CDKAL1: variants seen among roughly 807,000 people sequenced by gnomAD.
The protein encoded by CDKAL1 is threonylcarbamoyladenosine tRNA methylthiotransferase.
Under a neutral mutation model 68.2 loss-of-function variants are expected in CDKAL1, and 32 were observed. The observed-to-expected ratio is 0.47, with a 90% CI of 0.35 to 0.63. CDKAL1 has a LOEUF of 0.63. Among genes scored for constraint, CDKAL1 ranks in the 30% least tolerant of loss-of-function variants. The pLI is 0.00. For synonymous variants in CDKAL1, 234 were observed against 244.3 expected (o/e 0.96, Z 0.39); for missense variants, 606 against 696.7 (o/e 0.87, Z 1.47).
chr6:20,963,309 T>TAA lies in CDKAL1; in HGVS notation c.909+7735_909+7736dup, dbSNP rs56292622. ...GGAAGCTTTAGTTAGGCCCTTCCAC[T>TAA]AAAAAAAAAAAAGACTTGCATCTCT... On this transcript the variant is annotated intron_variant, in intron 10 of 15. Coordinates refer to ENST00000274695, the MANE Select transcript of CDKAL1 (RefSeq NM_017774.3). 6.0e-3 allele frequency among the ~76,000 whole-genome samples: 859 copies of TAA among 143,068 alleles called. 6 individuals carry two copies. The highest frequency in any genetic ancestry group is 0.02 in the African/African-American group (806 of 39,388). 93.9% of individuals were successfully genotyped at this position (143,068 alleles called of 152,430 possible). A position where few individuals can be genotyped will look rare whatever the true frequency, so the allele number is the denominator to read the frequency against.
intron 8 of CDKAL1, among the ~76,000 whole-genome samples, chr6:20,790,258 A>T (rs1373905221): frequency 6.6e-6 from 1 of 152,192 alleles, no homozygotes; most frequent in African/African-American, 2.4e-5. Context: ...GATTGTTTAG[A>T]TGAGTTGGAG....
At chr6:21,048,767 T>A (rs907216595) in intron 11 of CDKAL1, among the ~76,000 whole-genome samples, 2 of 152,088 alleles carry the variant, frequency 1.3e-5, no homozygotes, top group South Asian at 4.1e-4. Context: ...TCCAGTTATG[T>A]TTTCCCATTA....
chr6:21,085,272 A>G (rs1456148532), intron 12 of CDKAL1, among the ~76,000 whole-genome samples: 2 of 152,232 alleles, frequency 1.3e-5, no homozygotes, highest in African/African-American at 4.8e-5. Context: ...TTTAGAAATC[A>G]TAGTCAAAAC....
intron 5 of CDKAL1, among the ~76,000 whole-genome samples, chr6:20,659,567 T>C (rs1484435113): frequency 6.6e-6 from 1 of 152,224 alleles, no homozygotes; most frequent in East Asian, 1.9e-4. Context: ...TGAATTTACA[T>C]TTTCCTATCA....
intron 13 of CDKAL1, among the ~76,000 whole-genome samples, chr6:21,185,279 C>A (rs564548378): frequency 1.9e-4 from 29 of 150,536 alleles, no homozygotes; most frequent in African/African-American, 6.8e-4. Context: ...TGTTACTGAT[C>A]AAAAAATATA....
intron 13 of CDKAL1, 21 bp downstream of exon 13, chr6:21,108,484 G>A: frequency 6.7e-7 from 1 of 1,488,884 alleles, no homozygotes; most frequent in Non-Finnish European, 9.2e-7. Context: ...CATGTTAATA[G>A]CATATTAAGT....
intron 9 of CDKAL1, among the ~76,000 whole-genome samples, chr6:20,888,027 C>T (rs1291131327): frequency 6.6e-6 from 1 of 151,770 alleles, no homozygotes; most frequent in Non-Finnish European, 1.5e-5. Flanking sequence ...GCACAATGTG[C>T]AGGTTTGTTA....
At chr6:20,853,251 G>A (rs539260034) in intron 9 of CDKAL1, among the ~76,000 whole-genome samples, 8 of 151,994 alleles carry the variant, frequency 5.3e-5, no homozygotes, top group East Asian at 1.9e-4. Flanking sequence ...GCGTGGTGGC[G>A]CACGCCTGTA....
chr6:20,979,838 C>A (rs973021688), intron 10 of CDKAL1, among the ~76,000 whole-genome samples: 9 of 149,578 alleles, frequency 6.0e-5, no homozygotes, highest in Non-Finnish European at 1.2e-4. Context: ...GTGGCATAAT[C>A]CCAACTCACT....
At chr6:20,973,885 G>A (rs1343293006) in intron 10 of CDKAL1, among the ~76,000 whole-genome samples, 3 of 152,158 alleles carry the variant, frequency 2.0e-5, no homozygotes, top group African/African-American at 4.8e-5. Flanking sequence ...GATTATAGGC[G>A]TGAGCCACCC....
chr6:21,119,305 T>A (rs1186319263), intron 13 of CDKAL1, among the ~76,000 whole-genome samples: 1 of 152,232 alleles, frequency 6.6e-6, no homozygotes, highest in Non-Finnish European at 1.5e-5. Context: ...GCTCAATAAA[T>A]GACTATGATT....
rs559308155 is a variant in CDKAL1, at chr6:20,902,893, G to A, written c.743-52526G>A. Among the ~76,000 whole-genome samples the A allele has an allele frequency of 5.3e-5, 8 of 152,236 alleles. No individual in the cohort carries two copies. The South Asian group carries it at 1.0e-3, about 20-fold the overall frequency. On this transcript the variant is annotated intron_variant, in intron 9 of 15. Transcript: ENST00000274695. ...ACAGAACCCATCCAGGAGAGCAGCCGTATGCTTAGTTGTGATCCTAGAGCT... is the reference window on the plus strand; with the variant it reads ...ACAGAACCCATCCAGGAGAGCAGCCATATGCTTAGTTGTGATCCTAGAGCT...
intron 15 of CDKAL1, among the ~76,000 whole-genome samples, chr6:21,211,401 C>G (rs759118356): frequency 6.6e-6 from 1 of 152,184 alleles, no homozygotes; most frequent in Non-Finnish European, 1.5e-5. Context: ...CAAATTAACC[C>G]TGAAATCTCA....
intron 5 of CDKAL1, among the ~76,000 whole-genome samples, chr6:20,668,565 G>A (rs1017430039): frequency 1.3e-5 from 2 of 152,180 alleles, no homozygotes; most frequent in East Asian, 3.8e-4. Flanking sequence ...TTTAACTTGT[G>A]TCTTGAAATA....
intron 4 of CDKAL1, among the ~76,000 whole-genome samples, chr6:20,569,416 T>G (rs539610653): frequency 6.6e-6 from 1 of 152,346 alleles, no homozygotes; most frequent in African/African-American, 2.4e-5. Flanking sequence ...ATCTGGCCAG[T>G]GTTGAGTATT....
intron 9 of CDKAL1, among the ~76,000 whole-genome samples, chr6:20,900,144 A>G (rs1263615868): frequency 6.6e-6 from 1 of 152,220 alleles, no homozygotes; most frequent in African/African-American, 2.4e-5. Context: ...AGAGTTTAAA[A>G]TTAAATAGCC....
intron 13 of CDKAL1, among the ~76,000 whole-genome samples, chr6:21,152,984 T>C (rs1276205323): frequency 1.3e-5 from 2 of 152,200 alleles, no homozygotes; most frequent in African/African-American, 4.8e-5. Context: ...TTTTTGAGTC[T>C]TTTATCTCTC....
chr6:21,189,055 G>A (rs35013686), intron 13 of CDKAL1, among the ~76,000 whole-genome samples: 6,870 of 152,152 alleles, frequency 0.045, 185 homozygotes, highest in East Asian at 0.11. Context: ...ACTAAGAATG[G>A]GATTTTGCCC....
intron 11 of CDKAL1, among the ~76,000 whole-genome samples, chr6:21,020,095 C>G (rs1031376818): frequency 6.6e-6 from 1 of 151,968 alleles, no homozygotes; most frequent in Non-Finnish European, 1.5e-5. Flanking sequence ...ACTCTTTCCT[C>G]CAAAAAAAGT....
Sources: allele counts gnomAD v4.1 joint callset (sites outside exome capture counted in the v4.1 genomes callset), GRCh38; gene constraint gnomAD v4.1.1; transcripts MANE v1.5; gene names NCBI Gene and HGNC (gene_info 2026-07-23, HGNC 2026-07-21).